The following USP4 variants were observed in gnomAD, a reference collection of about 807,000 sequenced individuals.
USP4 encodes ubiquitin carboxyl-terminal hydrolase 4.
A neutral mutation model predicts 118.2 loss-of-function variants in USP4; 72 were observed. The ratio of observed to expected loss-of-function variants is 0.61; its 90% CI spans 0.50 to 0.74. USP4 has a LOEUF of 0.74. Among genes scored for constraint, USP4 ranks in the 30% least tolerant of loss-of-function variants. USP4 has a pLI of 0.00. For missense variants in USP4, 1,037 were observed against 1,185.7 expected (o/e 0.87, Z 1.84); for synonymous variants, 415 against 440.4 (o/e 0.94, Z 0.72).
intron 2 of USP4, among the ~76,000 whole-genome samples, chr3:49,332,151 C>T (rs549615221): frequency 6.6e-6 from 1 of 151,828 alleles, no homozygotes; most frequent in South Asian, 2.1e-4. Context: ...GTGGCAGGTA[C>T]CTGTAATCCC....
chr3:49,304,145 T>A (rs2047289726), intron 9 of USP4, among the ~76,000 whole-genome samples: 2 of 152,066 alleles, frequency 1.3e-5, no homozygotes, highest in Admixed American at 1.3e-4. Context: ...GGATGAAAGA[T>A]AATTAGTTTT....
rs1295742518 is a variant in USP4 at position 49,284,012 on chromosome 3, C to T, written c.2515G>A (p.Asp839Asn). 14 of 1,614,140 alleles carry T rather than the reference C, an allele frequency of 8.7e-6. No individual in the cohort carries two copies. Among genetic ancestry groups the T allele is most frequent in the East Asian group, 6.7e-5 (3 of 44,896 alleles). The change falls in exon 19 of 22, where the codon GAC becomes AAC. Residue 839 changes from aspartate to asparagine, a missense_variant. This residue lies in a region of USP4 where 522 missense variants were observed against 592.6 expected (regional missense o/e 0.88). Transcript: ENST00000265560. ...SYNRYWRDKL[D>N]TVVEFPIRGL... The stretch of plus-strand genomic sequence containing the variant: ...CTGATTGGGAATTCTACGACTGTGT[C>T]GAGCTTATCCCTCCAGTATCTGTTG...
intron 1 of USP4, among the ~76,000 whole-genome samples, chr3:49,337,910 G>A (rs1277603978): frequency 6.6e-6 from 1 of 151,696 alleles, no homozygotes; most frequent in African/African-American, 2.4e-5. Flanking sequence ...GCGGGGCATG[G>A]TGGTGCATGC....
intron 8 of USP4, among the ~76,000 whole-genome samples, chr3:49,306,972 T>C (rs141294745): frequency 0.02 from 2,983 of 151,750 alleles, 78 homozygotes; most frequent in African/African-American, 0.067. Flanking sequence ...TTAGTAGAGA[T>C]GGGGTTTCTC....
At chr3:49,325,890 G>T in intron 3 of USP4, 45 bp from the exon 4 acceptor site, 1 of 1,606,406 alleles carries the variant, frequency 6.2e-7, no homozygotes. Flanking sequence ...TTTTGCAGCT[G>T]GGCAGTCTTG....
At chr3:49,328,098 A>G (rs2047576100) in intron 2 of USP4, among the ~76,000 whole-genome samples, 2 of 151,308 alleles carry the variant, frequency 1.3e-5, no homozygotes, top group Admixed American at 1.3e-4. Flanking sequence ...GTGGTGGCTC[A>G]CACCTGTAAT....
At chr3:49,325,901 G>A in intron 3 of USP4, 56 bp from the exon 4 acceptor site, 1 of 1,598,724 alleles carries the variant, frequency 6.3e-7, no homozygotes, top group Non-Finnish European at 8.5e-7. Flanking sequence ...GGCAGTCTTG[G>A]ATGTAGCATA....
chr3:49,301,736 A>G (rs1292694782), intron 10 of USP4, among the ~76,000 whole-genome samples: 2 of 152,130 alleles, frequency 1.3e-5, no homozygotes, highest in Non-Finnish European at 2.9e-5. Flanking sequence ...TATCTATACT[A>G]CAGCTCAGCT....
intron 20 of USP4, among the ~76,000 whole-genome samples, 185 bp downstream of exon 20, chr3:49,280,559 C>CA (rs371988656): frequency 0.02 from 1,043 of 51,500 alleles, 17 homozygotes; most frequent in African/African-American, 0.053. Context: ...GACTCCGTCT[C>CA]AAAAAAAAAA....
chr3:49,281,483 TATATATATACACACACACACAC>T (rs1436083306), intron 19 of USP4, among the ~76,000 whole-genome samples: 1 of 103,606 alleles, frequency 9.7e-6, no homozygotes, highest in Non-Finnish European at 1.9e-5. Context: ...TGTGTATATA[TATATATATACACACACACACAC>T]ACACACACAC....
At chr3:49,331,763 G>A (rs1484265600) in intron 2 of USP4, among the ~76,000 whole-genome samples, 1 of 152,178 alleles carries the variant, frequency 6.6e-6, no homozygotes, top group Non-Finnish European at 1.5e-5. Context: ...TTTTTGGAAT[G>A]ATAAATGAGC....
chr3:49,289,948 A>G (rs1480912204), intron 15 of USP4, among the ~76,000 whole-genome samples: 1 of 152,076 alleles, frequency 6.6e-6, no homozygotes, highest in Non-Finnish European at 1.5e-5. Context: ...TGTCTCCACA[A>G]AAAAGAAAAA....
chr3:49,281,640 G>A (rs1264718968), intron 19 of USP4, among the ~76,000 whole-genome samples: 1 of 151,214 alleles, frequency 6.6e-6, no homozygotes, highest in Non-Finnish European at 1.5e-5. Flanking sequence ...ATTGATCCTG[G>A]GAGGCAGAGT....
At chr3:49,306,218 T>G (rs558169633) in intron 8 of USP4, among the ~76,000 whole-genome samples, 1 of 151,848 alleles carries the variant, frequency 6.6e-6, no homozygotes, top group Non-Finnish European at 1.5e-5. Context: ...TTGTTTTTTT[T>G]TTTTTTGAGA....
rs762359256 is a variant in USP4, at chr3:49,294,490, T to C, written c.1800A>G (p.Leu600=). Residue 600 remains leucine, a synonymous_variant, in exon 14 of 22, where the codon CTA becomes CTG. Transcript: ENST00000265560. ...RPSSTSSASA[L]YGQPLLLSVP... ...CAGAAAGCAATAGTGGCTGCCCATA[T>C]AGCGCTGATGCGGAGGAAGTGCTTG... 3.1e-6 allele frequency: 5 copies of C among 1,614,224 alleles called. No individual in the cohort carries two copies. The highest frequency in any genetic ancestry group is 3.3e-5 in the Admixed American group (2 of 60,020).
chr3:49,331,969 C>CA (rs35594824), intron 2 of USP4, among the ~76,000 whole-genome samples: 24,634 of 105,640 alleles, frequency 0.23, 2,394 homozygotes, highest in African/African-American at 0.29. Flanking sequence ...CCCATCTCTA[C>CA]AAAAAAAAAA....
At position 49,325,099 on chromosome 3, in the gene USP4, A is replaced by G; in HGVS notation, c.488-60T>C. 4 of 1,576,580 alleles carry G rather than the reference A, an allele frequency of 2.5e-6. No homozygotes were observed. In the Admixed American group the frequency reaches 7.2e-5, roughly 29 times the overall value. On this transcript the variant is annotated intron_variant, in intron 4 of 21. Coordinates refer to ENST00000265560, the MANE Select transcript of USP4 (RefSeq NM_003363.4). ...TCCACATGCAAGGCTAAAGACAGCC[A>G]TGGCAAACTAATGCTCATCCTCTTT...
In USP4 at chr3:49,294,471, G is replaced by C; in HGVS notation, c.1819C>G (p.Leu607Val). 6.2e-7 allele frequency: 1 copy of C among 1,614,206 alleles called. No individual in the cohort carries two copies. The highest frequency in any genetic ancestry group is 8.5e-7 in the Non-Finnish European group (1 of 1,180,034). Residue 607 changes from leucine to valine, a missense_variant, in exon 14 of 22, where the codon CTT (leucine) becomes GTT (valine). By Grantham distance (32) the Leu-to-Val change is conservative. Around this residue, in one of 3 missense-constraint regions of USP4, gnomAD observed 522 missense variants for 592.6 expected, o/e 0.88. Transcript: ENST00000265560. ...GTTAACTTGTGCTTGGGGACAGAAA[G>C]CAATAGTGGCTGCCCATATAGCGCT... The part of the protein sequence containing the change: ...ASALYGQPLL[L>V]SVPKHKLTLE...
At chr3:49,300,919 T>C (rs1308944402) in intron 10 of USP4, among the ~76,000 whole-genome samples, 1 of 152,082 alleles carries the variant, frequency 6.6e-6, no homozygotes, top group Non-Finnish European at 1.5e-5. Flanking sequence ...ATTTCACATA[T>C]ATGTTTATAT....
Sources: gnomAD v4.1 joint callset for allele counts (sites outside exome capture counted in the v4.1 genomes callset) on GRCh38, gnomAD v4.1.1 for gene constraint, gnomAD v4.1.1 regional missense constraint, MANE v1.5 for transcripts, NCBI Gene and HGNC (gene_info 2026-07-23, HGNC 2026-07-21) for gene names.